The following GMDS variants were observed in gnomAD, a reference collection of about 807,000 sequenced individuals.
GMDS encodes the protein GDP-mannose 4,6-dehydratase, also known as GDP-mannose 4,6 dehydratase.
In GMDS, 20 loss-of-function variants were observed where a neutral mutation model predicts 49.9. The observed-to-expected ratio is 0.40, with a 90% CI of 0.28 to 0.58. The LOEUF is 0.58. Among genes scored for constraint, GMDS ranks in the 20% least tolerant of loss-of-function variants. The pLI is 0.42. For synonymous variants in GMDS, 177 were observed against 178.6 expected (o/e 0.99, Z 0.07); for missense variants, 362 against 481.4 (o/e 0.75, Z 2.32).
At chr6:2,218,060 T>G (rs1316917286) in intron 1 of GMDS, among the ~76,000 whole-genome samples, 1 of 152,184 alleles carries the variant, frequency 6.6e-6, no homozygotes, top group Admixed American at 6.5e-5. Flanking sequence ...CGATCACCTG[T>G]GGGGGTACCC....
At chr6:1,936,294 T>C (rs1252681847) in intron 6 of GMDS, among the ~76,000 whole-genome samples, 1 of 152,170 alleles carries the variant, frequency 6.6e-6, no homozygotes, top group Non-Finnish European at 1.5e-5. Context: ...CAGGCCTGCA[T>C]GGACCCTAAG....
intron 9 of GMDS, among the ~76,000 whole-genome samples, chr6:1,687,245 C>T (rs139898528): frequency 1.3e-5 from 2 of 152,208 alleles, no homozygotes; most frequent in Non-Finnish European, 2.9e-5. Context: ...AGCAACACCC[C>T]CAAGGCTTGA....
rs184698265 is a variant in GMDS at position 2,085,365 on chromosome 6, C to T, written c.345+30406G>A. Among the ~76,000 whole-genome samples the T allele has an allele frequency of 1.2e-4, 19 of 152,026 alleles. No homozygotes were observed. In the East Asian group the frequency reaches 3.5e-3, roughly 28 times the overall value. On this transcript the variant is annotated intron_variant, in intron 4 of 10. Transcript: ENST00000380815. Reference sequence around the variant, plus strand: ...AATATGTTAGGCTAAATAAAAAAATCGGGTTTCTTTTCTCACTAAGTAAAT... The same window carrying T: ...AATATGTTAGGCTAAATAAAAAAATTGGGTTTCTTTTCTCACTAAGTAAAT...
chr6:2,127,075 T>C (rs1775490348), intron 1 of GMDS, among the ~76,000 whole-genome samples: 2 of 152,214 alleles, frequency 1.3e-5, no homozygotes, highest in African/African-American at 4.8e-5. Context: ...CTAAAATATA[T>C]GTCAGATAAT....
At chr6:2,117,199 G>A (rs1428165902) in intron 3 of GMDS, among the ~76,000 whole-genome samples, 2 of 152,160 alleles carry the variant, frequency 1.3e-5, no homozygotes, top group Admixed American at 6.5e-5. Context: ...CCTGCAGAGC[G>A]GTGATCAAAG....
chr6:1,781,898 A>G (rs950413645), intron 7 of GMDS, among the ~76,000 whole-genome samples: 1 of 150,988 alleles, frequency 6.6e-6, no homozygotes, highest in African/African-American at 2.4e-5. Flanking sequence ...AGAGAATCCC[A>G]GCTGTCCTGA....
intron 4 of GMDS, among the ~76,000 whole-genome samples, chr6:2,047,390 T>A (rs114689447): frequency 0.013 from 1,917 of 152,112 alleles, 44 homozygotes; most frequent in African/African-American, 0.044. Context: ...CACTGAGGAG[T>A]CTGTGGCTGT....
chr6:1,938,014 G>GA (rs370884646), intron 6 of GMDS, among the ~76,000 whole-genome samples: 23 of 149,182 alleles, frequency 1.5e-4, no homozygotes, highest in African/African-American at 3.0e-4. Context: ...TAATTTAAAA[G>GA]AAAAAAAAAG....
chr6:1,751,659 A>G (rs1364831725), intron 7 of GMDS, among the ~76,000 whole-genome samples: 1 of 152,056 alleles, frequency 6.6e-6, no homozygotes, highest in African/African-American at 2.4e-5. Context: ...ACACACAGCT[A>G]ATTTTTGTAT....
intron 1 of GMDS, among the ~76,000 whole-genome samples, chr6:2,224,953 A>G (rs1365863381): frequency 6.6e-6 from 1 of 152,208 alleles, no homozygotes; most frequent in Non-Finnish European, 1.5e-5. Context: ...TGAAAGTCAC[A>G]GAACTGAGAA....
At chr6:1,950,136 T>G (rs1763268791) in intron 6 of GMDS, among the ~76,000 whole-genome samples, 2 of 152,362 alleles carry the variant, frequency 1.3e-5, no homozygotes, top group South Asian at 4.1e-4. Context: ...TGTGATTAAC[T>G]GAAAACAAGT....
chr6:1,760,138 G>T (rs530787676), intron 7 of GMDS, among the ~76,000 whole-genome samples: 1 of 152,178 alleles, frequency 6.6e-6, no homozygotes. Context: ...AGGGAGTGAG[G>T]GAGATGTGCA....
intron 4 of GMDS, among the ~76,000 whole-genome samples, chr6:1,964,335 C>T (rs1205664637): frequency 6.6e-6 from 1 of 152,028 alleles, no homozygotes; most frequent in Non-Finnish European, 1.5e-5. Context: ...ATAGACATGC[C>T]GCCTAAACAG....
intron 4 of GMDS, among the ~76,000 whole-genome samples, chr6:2,093,278 A>G (rs963988084): frequency 6.6e-6 from 1 of 152,260 alleles, no homozygotes; most frequent in Non-Finnish European, 1.5e-5. Flanking sequence ...ATTTAAAAGA[A>G]GCAGCGAAAA....
chr6:2,237,957 A>G (rs1242804484), intron 1 of GMDS, among the ~76,000 whole-genome samples: 1 of 152,234 alleles, frequency 6.6e-6, no homozygotes, highest in Admixed American at 6.5e-5. Context: ...GTTAATTTTC[A>G]TGCCTTCTAA....
chr6:2,127,845 T>C (rs927473095), intron 1 of GMDS, among the ~76,000 whole-genome samples: 1 of 152,328 alleles, frequency 6.6e-6, no homozygotes, highest in African/African-American at 2.4e-5. Context: ...TGATAAAGAA[T>C]GCTCCAATCA....
chr6:2,077,995 C>T (rs1772447625), intron 4 of GMDS, among the ~76,000 whole-genome samples: 2 of 151,910 alleles, frequency 1.3e-5, no homozygotes, highest in Non-Finnish European at 2.9e-5. Context: ...CTGTTTTTTC[C>T]AGATTCAAGC....
intron 9 of GMDS, among the ~76,000 whole-genome samples, chr6:1,723,832 T>A (rs1766480380): frequency 6.6e-6 from 1 of 152,180 alleles, no homozygotes; most frequent in South Asian, 2.1e-4. Flanking sequence ...CTAAGTTGAA[T>A]GTAGACAAAC....
At chr6:2,229,742 T>C (rs1561674560) in intron 1 of GMDS, among the ~76,000 whole-genome samples, 1 of 152,166 alleles carries the variant, frequency 6.6e-6, no homozygotes, top group Non-Finnish European at 1.5e-5. Context: ...ACAAAAATAT[T>C]TGCCTATTAA....
Sources: allele counts gnomAD v4.1 joint callset (sites outside exome capture counted in the v4.1 genomes callset), GRCh38; gene constraint gnomAD v4.1.1; transcripts MANE v1.5; gene names NCBI Gene and HGNC (gene_info 2026-07-23, HGNC 2026-07-21).